Variants in CACNA1H observed in about 807,000 individuals in gnomAD.
CACNA1H encodes the protein voltage-dependent T-type calcium channel subunit alpha-1H.
A neutral mutation model predicts 192.5 loss-of-function variants in CACNA1H; 149 were observed. The observed-to-expected ratio is 0.77, with a 90% CI of 0.68 to 0.89. The LOEUF (loss-of-function observed/expected upper bound fraction) is 0.89, where lower values mean the gene tolerates loss of function less well. Ranked by LOEUF, CACNA1H falls within the 40% of genes least tolerant of loss-of-function variation. The pLI is 0.00. For synonymous variants in CACNA1H, 2,202 were observed against 1,475.2 expected (o/e 1.49, Z -11.29); for missense variants, 4,257 against 3,423.5 (o/e 1.24, Z -6.08).
At position 1,218,569 on chromosome 16, in the gene CACNA1H, G is replaced by A; in HGVS notation, c.5805G>A (p.Arg1935=). The change falls in exon 33 of 35, where the codon AGG becomes AGA. Residue 1935 remains arginine (R), a synonymous_variant. Transcript: ENST00000348261. ...TGCCCAACGACAGCTACATGTTCAG[G>A]CCCGTGGTGCCTGCCTCGGCGCCCC... ...LSLPNDSYMF[R]PVVPASAPHP... 1.3e-6 allele frequency: 2 copies of A among 1,564,498 alleles called. No individual in the cohort carries two copies. Among genetic ancestry groups the A allele is most frequent in the Non-Finnish European group, 1.7e-6 (2 of 1,154,880 alleles).
At chr16:1,213,736 C>A in intron 26 of CACNA1H, 44 bp from the exon 27 acceptor site, 1 of 1,458,630 alleles carries the variant, frequency 6.9e-7, no homozygotes. Flanking sequence ...CCAGGAGCGC[C>A]GGGCGGCCCT....
In CACNA1H at chr16:1,195,427, C is replaced by A; in HGVS notation, c.412-5C>A. ...CACGGGCCCTCCTGATGCCTCCTCC[C>A]GCAGGCCTTTGACGCCTTCATTTTC... On this transcript the variant is annotated splice_region_variant and splice_polypyrimidine_tract_variant and intron_variant, in intron 3 of 34. Coordinates refer to ENST00000348261, the MANE Select transcript of CACNA1H (RefSeq NM_021098.3). 6.4e-7 allele frequency: 1 copy of A among 1,551,660 alleles called. No individual in the cohort carries two copies. Among genetic ancestry groups the A allele is most frequent in the Non-Finnish European group, 8.7e-7 (1 of 1,147,158 alleles).
chr16:1,157,194 G>C (rs932905888), intron 2 of CACNA1H: 1 of 152,190 alleles, frequency 6.6e-6, no homozygotes, highest in Non-Finnish European at 1.5e-5. Context: ...CGGTCCCTGC[G>C]AGAGCGAGGG....
intron 17 of CACNA1H, 62 bp downstream of exon 17, chr16:1,209,474 C>G (rs1360726946): frequency 1.3e-6 from 2 of 1,570,904 alleles, no homozygotes; most frequent in Non-Finnish European, 1.7e-6. Flanking sequence ...CAGGTTCCCT[C>G]AAGTGGGGTT....
intron 2 of CACNA1H, among the ~76,000 whole-genome samples, chr16:1,187,734 C>T (rs539448851): frequency 1.2e-4 from 18 of 152,272 alleles, no homozygotes; most frequent in Non-Finnish European, 2.2e-4. Flanking sequence ...AGGCAGCAGC[C>T]GCACCTGGAG....
At chr16:1,203,484 G>A (rs948008174) in intron 9 of CACNA1H, among the ~76,000 whole-genome samples, 8 of 152,196 alleles carry the variant, frequency 5.3e-5, no homozygotes, top group Admixed American at 2.0e-4. Flanking sequence ...GAATGCGGCT[G>A]TGGGGGTTGG....
At chr16:1,160,587 G>C (rs1239206675) in intron 2 of CACNA1H, among the ~76,000 whole-genome samples, 1 of 152,180 alleles carries the variant, frequency 6.6e-6, no homozygotes, top group African/African-American at 2.4e-5. Flanking sequence ...TGGTGCAGGG[G>C]GTGTGCCGCC....
intron 2 of CACNA1H, among the ~76,000 whole-genome samples, chr16:1,166,930 G>C (rs983185911): frequency 6.6e-6 from 1 of 152,214 alleles, no homozygotes; most frequent in African/African-American, 2.4e-5. Flanking sequence ...TCTCTTGGAC[G>C]TAAATCTGGG....
chr16:1,155,640 CAT>C (rs1050976718), intron 2 of CACNA1H, among the ~76,000 whole-genome samples: 1 of 151,738 alleles, frequency 6.6e-6, no homozygotes, highest in Non-Finnish European at 1.5e-5. Flanking sequence ...CTGGCTGCCC[CAT>C]CCCCAAGCAG....
chr16:1,166,892 C>T (rs1963844602), intron 2 of CACNA1H, among the ~76,000 whole-genome samples: 2 of 152,214 alleles, frequency 1.3e-5, no homozygotes, highest in South Asian at 4.1e-4. Flanking sequence ...GTCCCTGCTC[C>T]AGGTTCGGGG....
At position 1,220,323 on chromosome 16, in the gene CACNA1H, G is replaced by A. The variant is rs188972724; in HGVS notation, c.6391G>A (p.Asp2131Asn). The A allele has an allele frequency of 1.2e-5, 18 of 1,558,038 alleles. No individual in the cohort carries two copies. The highest frequency in any genetic ancestry group is 1.6e-5 in the Non-Finnish European group (18 of 1,159,286). ...EASPVAGGER[D>N]LRRLYSVDAQ... is the part of the protein sequence containing the mutation. Reference sequence around the variant, plus strand: ...CTCTCCGGTGGCCGGCGGCGAGCGGGACCTGCGCAGGCTCTACAGCGTGGA... The same window carrying A: ...CTCTCCGGTGGCCGGCGGCGAGCGGAACCTGCGCAGGCTCTACAGCGTGGA... Residue 2131 changes from aspartate (D) to asparagine (N), a missense_variant, in exon 35 of 35, where the codon GAC (aspartate) becomes AAC (asparagine). Physicochemically the swap from Asp to Asn is conservative, Grantham distance 23. Coordinates refer to ENST00000348261, the MANE Select transcript of CACNA1H (RefSeq NM_021098.3).
intron 2 of CACNA1H, among the ~76,000 whole-genome samples, chr16:1,188,533 G>A (rs545058802): frequency 7.3e-5 from 11 of 151,684 alleles, no homozygotes; most frequent in African/African-American, 2.4e-4. Context: ...CCCGCCACTC[G>A]CAGACACTCC....
chr16:1,160,966 C>T (rs1405313129), intron 2 of CACNA1H, among the ~76,000 whole-genome samples: 1 of 152,110 alleles, frequency 6.6e-6, no homozygotes, highest in Non-Finnish European at 1.5e-5. Context: ...GGGCTCTTTG[C>T]CCAAGTTGAG....
In CACNA1H at chr16:1,219,077, T is replaced by G; in HGVS notation, c.5995T>G (p.Ser1999Ala). The G allele has an allele frequency of 6.5e-7, 1 of 1,549,472 alleles. No homozygotes were observed. The highest frequency in any genetic ancestry group is 8.7e-7 in the Non-Finnish European group (1 of 1,146,688). Residue 1999 changes from serine (S) to alanine (A), a missense_variant, in exon 34 of 35, where the codon TCC becomes GCC. Coordinates refer to ENST00000348261, the MANE Select transcript of CACNA1H (RefSeq NM_021098.3). ...ARSGEPLHAL[S>A]PRGTARSPSL... ...GAGCGGCGAGCCCCTCCACGCCCTG[T>G]CCCCTCGGGGCACAGCCCGCTCCCC... is the stretch of plus-strand genomic sequence containing the variant.
At position 1,211,171 on chromosome 16, in the gene CACNA1H, C is replaced by T. The variant is rs1252425862; in HGVS notation, c.4227C>T (p.Val1409=). Reference sequence around the variant, plus strand: ...TGTATCCTTCACTCCCCTCCAGGGTCATCAGCCGGGCCCCGGGCCTCAAGC... The same window carrying T: ...TGTATCCTTCACTCCCCTCCAGGGTTATCAGCCGGGCCCCGGGCCTCAAGC... ...RLLRTLRPLR[V]ISRAPGLKLV... is the part of the protein sequence containing the mutation. Residue 1409 remains valine, a synonymous_variant, in exon 22 of 35, where the codon GTC becomes GTT. Coordinates refer to ENST00000348261, the MANE Select transcript of CACNA1H (RefSeq NM_021098.3). 2 of 1,612,594 alleles carry T rather than the reference C, an allele frequency of 1.2e-6. No homozygotes were observed. Among genetic ancestry groups the T allele is most frequent in the East Asian group, 2.2e-5 (1 of 44,872 alleles).
At chr16:1,183,361 C>T (rs888887319) in intron 2 of CACNA1H, among the ~76,000 whole-genome samples, 7 of 152,196 alleles carry the variant, frequency 4.6e-5, no homozygotes, top group South Asian at 2.1e-4. Context: ...AGGAAGGAGA[C>T]GGGCGTGGGG....
In CACNA1H at chr16:1,201,989, G is replaced by T; in HGVS notation, c.1539G>T (p.Ser513=). The change falls in exon 9 of 35, where the codon TCG becomes TCT. Residue 513 remains serine (S), a synonymous_variant. Coordinates refer to ENST00000348261, the MANE Select transcript of CACNA1H (RefSeq NM_021098.3). ...GCCGGGCAGGCAGGCACACAGCCTC[G>T]GTGCACCACCTGGTCTACCACCACC... ...RQRRAGRHTA[S]VHHLVYHHHH... is the part of the protein sequence containing the mutation. 1 of 1,540,604 alleles carries T rather than the reference G, an allele frequency of 6.5e-7. No homozygotes were observed.
chr16:1,217,726 T>C (rs1178151401), intron 31 of CACNA1H, among the ~76,000 whole-genome samples, 193 bp from the exon 32 acceptor site: 2 of 152,210 alleles, frequency 1.3e-5, no homozygotes, highest in Non-Finnish European at 2.9e-5. Context: ...AGCAGGGGCC[T>C]CGGCCCAGGG....
At chr16:1,196,448 G>A (rs964682331) in intron 5 of CACNA1H, among the ~76,000 whole-genome samples, 6 of 152,132 alleles carry the variant, frequency 3.9e-5, no homozygotes, top group African/African-American at 1.4e-4. Context: ...GTGAAGCCCC[G>A]CCTTCACACC....
Sources: allele counts gnomAD v4.1 joint callset (sites outside exome capture counted in the v4.1 genomes callset), GRCh38; gene constraint gnomAD v4.1.1; transcripts MANE v1.5; gene names NCBI Gene and HGNC (gene_info 2026-07-23, HGNC 2026-07-21).